The following KIRREL3 variants were observed in gnomAD, a reference collection of about 807,000 sequenced individuals.
KIRREL3 encodes kin of IRRE-like protein 3.
KIRREL3 carries 36 observed loss-of-function variants against 89.7 expected under a neutral mutation model. The observed-to-expected ratio is 0.40, with a 90% CI of 0.31 to 0.53. The LOEUF (loss-of-function observed/expected upper bound fraction) is 0.53, where lower values mean the gene tolerates loss of function less well. Among genes scored for constraint, KIRREL3 ranks in the 20% least tolerant of loss-of-function variants. The pLI is 0.49. For missense variants in KIRREL3, 864 were observed against 1,056.6 expected, an observed-to-expected ratio of 0.82 and a Z score of 2.53; for synonymous variants, 445 against 441.4, an observed-to-expected ratio of 1.01 and a Z score of -0.10.
intron 2 of KIRREL3, among the ~76,000 whole-genome samples, chr11:126,548,156 T>C (rs1938965914): frequency 6.6e-6 from 1 of 152,150 alleles, no homozygotes; most frequent in South Asian, 2.1e-4. Context: ...CTGTCATCTG[T>C]ACCTCTCTTT....
rs1957627684 is a variant in KIRREL3 at position 126,495,305 on chromosome 11, G to A, written c.434-21839C>T. Among the ~76,000 whole-genome samples, 1 of 152,140 alleles carries A rather than the reference G, an allele frequency of 6.6e-6. No individual in the cohort carries two copies. Among genetic ancestry groups the A allele is most frequent in the Non-Finnish European group, 1.5e-5 (1 of 68,008 alleles). On this transcript the variant is annotated intron_variant, in intron 4 of 16. Coordinates refer to ENST00000525144, the MANE Select transcript of KIRREL3 (RefSeq NM_032531.4). This position sits in a 1 kb window ranked among gnomAD's most constrained non-coding sequence, Gnocchi z 6.5. ...CATCAGCTTGACTTCCGGGCCCTCTGTACCCTGGCCCAAGCCTCTCTTGCC... is the reference window on the plus strand; with the variant it reads ...CATCAGCTTGACTTCCGGGCCCTCTATACCCTGGCCCAAGCCTCTCTTGCC...
Position 126,993,142 on chromosome 11 carries a change from T to A in KIRREL3, c.55+7313A>T, listed in dbSNP as rs1950084074. ...GAAATACCAAGAAGTAAAAATAACA[T>A]GTTGATCCCTAAACCCGTGATGTAG... On this transcript the variant is annotated intron_variant, in intron 1 of 16. Transcript: ENST00000525144. This position sits in a 1 kb window ranked among gnomAD's most constrained non-coding sequence, Gnocchi z 6.1. Among the ~76,000 whole-genome samples the A allele has an allele frequency of 6.6e-6, 1 of 152,220 alleles. No individual in the cohort carries two copies. Among genetic ancestry groups the A allele is most frequent in the African/African-American group, 2.4e-5 (1 of 41,458 alleles).
chr11:126,595,418 G>T (rs1024860006), intron 1 of KIRREL3, among the ~76,000 whole-genome samples: 4 of 152,246 alleles, frequency 2.6e-5, no homozygotes, highest in Non-Finnish European at 5.9e-5. Context: ...GCTCTGTGTG[G>T]CTCCTGTCTT....
At chr11:126,834,497 A>G (rs1277814262) in intron 1 of KIRREL3, among the ~76,000 whole-genome samples, 1 of 152,242 alleles carries the variant, frequency 6.6e-6, no homozygotes. Flanking sequence ...AAGAGAAAAA[A>G]CTGATGACAT....
In KIRREL3 at chr11:126,615,695, C is replaced by T. The variant is rs1253394058; in HGVS notation, c.56-52783G>A. ...GTAGATTTTTAGAGTCTGAGGTCAC[C>T]CAGTTACTGCTCTATCAGCCACCTA... On this transcript the variant is annotated intron_variant, in intron 1 of 16. Transcript: ENST00000525144. This position sits in a 1 kb window ranked among gnomAD's most constrained non-coding sequence, Gnocchi z 5.4. Among the ~76,000 whole-genome samples, 1 of 152,136 alleles carries T rather than the reference C, an allele frequency of 6.6e-6. No individual in the cohort carries two copies. Among genetic ancestry groups the T allele is most frequent in the African/African-American group, 2.4e-5 (1 of 41,426 alleles).
intron 1 of KIRREL3, among the ~76,000 whole-genome samples, chr11:126,818,333 A>C (rs1481765251): frequency 2.0e-5 from 3 of 152,160 alleles, no homozygotes; most frequent in Non-Finnish European, 4.4e-5. Context: ...GATTTTAGGG[A>C]GGCAGTGTGG....
chr11:126,672,846 A>G (rs1249092199), intron 1 of KIRREL3, among the ~76,000 whole-genome samples: 2 of 152,228 alleles, frequency 1.3e-5, no homozygotes, highest in African/African-American at 2.4e-5. Flanking sequence ...AATCTAGTTA[A>G]TTAACCAACC....
rs777616534 is a variant in KIRREL3, at chr11:126,495,296, G to A, written c.434-21830C>T. Among the ~76,000 whole-genome samples the A allele has an allele frequency of 1.3e-5, 2 of 152,082 alleles. No individual in the cohort carries two copies. Among genetic ancestry groups the A allele is most frequent in the Admixed American group, 6.5e-5 (1 of 15,282 alleles). ...AGTGTGACCCATCAGCTTGACTTCC[G>A]GGCCCTCTGTACCCTGGCCCAAGCC... On this transcript the variant is annotated intron_variant, in intron 4 of 16. Coordinates refer to ENST00000525144, the MANE Select transcript of KIRREL3 (RefSeq NM_032531.4). This position sits in a 1 kb window ranked among gnomAD's most constrained non-coding sequence, Gnocchi z 6.5.
rs927723063 is a variant in KIRREL3, at chr11:126,795,881, G to A, written c.55+204574C>T. Among the ~76,000 whole-genome samples, 3 of 152,092 alleles carry A rather than the reference G, an allele frequency of 2.0e-5. No homozygotes were observed. The highest frequency in any genetic ancestry group is 4.4e-5 in the Non-Finnish European group (3 of 68,034). ...GATACCCCATGCCAGGCCAGCCTCC[G>A]TACTGCCAGGCTCGTCCTCACCCTG... On this transcript the variant is annotated intron_variant, in intron 1 of 16. Transcript: ENST00000525144. The surrounding 1 kb of genome is among the most constrained non-coding windows in gnomAD (Gnocchi z 4.1).
In KIRREL3 at chr11:126,443,478, A is replaced by G. The variant is rs1652677670; in HGVS notation, c.1252+1501T>C. On this transcript the variant is annotated intron_variant, in intron 10 of 16. Transcript: ENST00000525144. This position sits in a 1 kb window ranked among gnomAD's most constrained non-coding sequence, Gnocchi z 7.3. ...GTGGCATCCTGGGGACACTCAGGAA[A>G]GGCAGGAGGGCTCCGACTCAGGGCT... Among the ~76,000 whole-genome samples, 1 of 152,052 alleles carries G rather than the reference A, an allele frequency of 6.6e-6. No individual in the cohort carries two copies. Among genetic ancestry groups the G allele is most frequent in the African/African-American group, 2.4e-5 (1 of 41,396 alleles).
intron 1 of KIRREL3, among the ~76,000 whole-genome samples, chr11:126,864,420 T>C (rs922536468): frequency 2.6e-5 from 4 of 152,208 alleles, no homozygotes; most frequent in African/African-American, 4.8e-5. Context: ...CAGCTTGCAG[T>C]ATGCCTGCCT....
Position 126,797,677 on chromosome 11 carries a change from G to A in KIRREL3, c.55+202778C>T, listed in dbSNP as rs998064973. 3.9e-5 allele frequency among the ~76,000 whole-genome samples: 6 copies of A among 152,120 alleles called. No individual in the cohort carries two copies. Among genetic ancestry groups the A allele is most frequent in the Non-Finnish European group, 7.4e-5 (5 of 68,018 alleles). ...GAGTCTCAGCATCCAAGCACAATCA[G>A]CACTGGGTCGATGTATATGAGGAAA... On this transcript the variant is annotated intron_variant, in intron 1 of 16. Transcript: ENST00000525144. This position sits in a 1 kb window ranked among gnomAD's most constrained non-coding sequence, Gnocchi z 4.9.
chr11:126,852,889 A>T (rs1290789715), intron 1 of KIRREL3, among the ~76,000 whole-genome samples: 1 of 152,142 alleles, frequency 6.6e-6, no homozygotes, highest in Admixed American at 6.5e-5. Context: ...CCTCAGCTGG[A>T]TGGGAACCAA....
chr11:126,990,051 CT>C lies in KIRREL3; in HGVS notation c.55+10403del, dbSNP rs1439628532. Among the ~76,000 whole-genome samples, 3 of 152,192 alleles carry C rather than the reference CT, an allele frequency of 2.0e-5. No individual in the cohort carries two copies. Among genetic ancestry groups the C allele is most frequent in the Non-Finnish European group, 4.4e-5 (3 of 68,030 alleles). On this transcript the variant is annotated intron_variant, in intron 1 of 16. Coordinates refer to ENST00000525144, the MANE Select transcript of KIRREL3 (RefSeq NM_032531.4). The surrounding 1 kb of genome is among the most constrained non-coding windows in gnomAD (Gnocchi z 6.3). The stretch of plus-strand genomic sequence containing the variant: ...TGACCCTGGAAGGGTGGAATCACTC[CT>C]TGTGGAAGGGAAAACGCCTGGAGCG...
rs116455709 is a variant in KIRREL3 at position 126,620,850 on chromosome 11, C to T, written c.56-57938G>A. 6.6e-6 allele frequency among the ~76,000 whole-genome samples: 1 copy of T among 152,136 alleles called. No homozygotes were observed. Among genetic ancestry groups the T allele is most frequent in the African/African-American group, 2.4e-5 (1 of 41,428 alleles). On this transcript the variant is annotated intron_variant, in intron 1 of 16. Transcript: ENST00000525144. The surrounding 1 kb of genome is among the most constrained non-coding windows in gnomAD (Gnocchi z 4.8). ...TGGAGCAGCAACTAGTGAGGAAGGC[C>T]GTACCCCACTTGCTGGATGAGAACA... is the stretch of plus-strand genomic sequence containing the variant.
In KIRREL3 at chr11:126,476,028, GA is replaced by G. The variant is rs371051585; in HGVS notation, c.434-2563del. ...GGCCTCAGCCTTCCCAGTGACTGTG[GA>G]AAGTGCCTGAGAGCAGAGGGTGGAG... On this transcript the variant is annotated intron_variant, in intron 4 of 16. Transcript: ENST00000525144. The surrounding 1 kb of genome is among the most constrained non-coding windows in gnomAD (Gnocchi z 6.4). 4.0e-3 allele frequency among the ~76,000 whole-genome samples: 611 copies of G among 152,318 alleles called. 5 individuals carry two copies. The highest frequency in any genetic ancestry group is 0.014 in the African/African-American group (584 of 41,572).
In KIRREL3 at chr11:126,498,316, C is replaced by G. The variant is rs1957740259; in HGVS notation, c.433+22999G>C. On this transcript the variant is annotated intron_variant, in intron 4 of 16. Transcript: ENST00000525144. The surrounding 1 kb of genome is among the most constrained non-coding windows in gnomAD (Gnocchi z 4.3). ...ATTTTCTCACTCCAAGTTTCCCCCT[C>G]ATTAATTTTAATCTAATTTGCTCAT... Among the ~76,000 whole-genome samples, 1 of 152,196 alleles carries G rather than the reference C, an allele frequency of 6.6e-6. No homozygotes were observed. The highest frequency in any genetic ancestry group is 2.4e-5 in the African/African-American group (1 of 41,458).
intron 1 of KIRREL3, among the ~76,000 whole-genome samples, chr11:126,585,663 C>T (rs1941802843): frequency 6.6e-6 from 1 of 152,238 alleles, no homozygotes; most frequent in Non-Finnish European, 1.5e-5. Flanking sequence ...CACCCTCATG[C>T]CAAGTGGCAG....
At chr11:126,833,864 T>G (rs1327485490) in intron 1 of KIRREL3, among the ~76,000 whole-genome samples, 1 of 152,220 alleles carries the variant, frequency 6.6e-6, no homozygotes, top group Non-Finnish European at 1.5e-5. Flanking sequence ...TATATCTGAC[T>G]CCAGATTTAT....
Sources: allele counts gnomAD v4.1 joint callset (sites outside exome capture counted in the v4.1 genomes callset), GRCh38; gene constraint gnomAD v4.1.1; non-coding constraint Gnocchi (gnomAD v3.1); transcripts MANE v1.5; gene names NCBI Gene and HGNC (gene_info 2026-07-23, HGNC 2026-07-21).